Variants in C1orf141 observed in about 807,000 individuals in gnomAD.
C1orf141 encodes the protein chromosome 1 open reading frame 141, also known as uncharacterized protein C1orf141.
Under a neutral mutation model 23.2 loss-of-function variants are expected in C1orf141, and 19 were observed. The ratio of observed to expected loss-of-function variants is 0.82; its 90% CI spans 0.57 to 1.20. C1orf141 has a LOEUF of 1.20. Among genes scored for constraint, C1orf141 ranks in the 50% most tolerant of loss-of-function variants. C1orf141 has a pLI of 0.00. For synonymous variants in C1orf141, 153 were observed against 154.6 expected (o/e 0.99, Z 0.08); for missense variants, 469 against 455.1 (o/e 1.03, Z -0.28).
At chr1:67,125,641 G>A (rs924559555) in intron 4 of C1orf141, 111 bp downstream of exon 4, 2 of 1,043,654 alleles carry the variant, frequency 1.9e-6, no homozygotes, top group Non-Finnish European at 3.0e-6. Flanking sequence ...TGAGGCTGCA[G>A]TGAGCCATGT....
rs11801593 is a variant in C1orf141, at chr1:67,096,226, G to T, written c.416+26C>A. On this transcript the variant is annotated intron_variant, in intron 6 of 7. Coordinates refer to ENST00000684719, the MANE Select transcript of C1orf141 (RefSeq NM_001276351.2). ...TAGAAACATCATTAAACAGAACAAAGTATTAAGCATTTTAAAATAAATTAC... is the reference window on the plus strand; with the variant it reads ...TAGAAACATCATTAAACAGAACAAATTATTAAGCATTTTAAAATAAATTAC... 5 of 1,068,328 alleles carry T rather than the reference G, an allele frequency of 4.7e-6. No individual in the cohort carries two copies. In the Admixed American group the frequency reaches 1.1e-4, roughly 24 times the overall value. The allele number at this position is 1,068,328 out of a possible 1,614,324, so 66.2% of individuals were successfully genotyped here. A position where few individuals can be genotyped will look rare whatever the true frequency, so the allele number is the denominator to read the frequency against.
At chr1:67,116,793 C>T (rs61782291) in intron 4 of C1orf141, among the ~76,000 whole-genome samples, 2,817 of 152,252 alleles carry the variant, frequency 0.019, 36 homozygotes, top group Non-Finnish European at 0.029. Context: ...CTGTAGTATT[C>T]TCCCCACAAG....
At chr1:67,096,688 C>T (rs1225016345) in intron 5 of C1orf141, among the ~76,000 whole-genome samples, 6 of 152,210 alleles carry the variant, frequency 3.9e-5, no homozygotes, top group Non-Finnish European at 7.3e-5. Flanking sequence ...AGATATCAAA[C>T]AGATCTTGCC....
intron 5 of C1orf141, among the ~76,000 whole-genome samples, chr1:67,103,801 T>C (rs796147487): frequency 1.8e-4 from 28 of 152,182 alleles, no homozygotes; most frequent in African/African-American, 6.7e-4. Context: ...CAGTTCTGAG[T>C]AGAGAAGAAA....
chr1:67,110,194 T>C lies in C1orf141; in HGVS notation c.346+5158A>G, dbSNP rs1225311529. ...ATATATACTTGACCTAGGGAAGAAG[T>C]GTGGAAGATAGTTGGAAGACAGGAT... On this transcript the variant is annotated intron_variant, in intron 5 of 7. Coordinates refer to ENST00000684719, the MANE Select transcript of C1orf141 (RefSeq NM_001276351.2). Among the ~76,000 whole-genome samples the C allele has an allele frequency of 3.3e-5, 5 of 151,980 alleles. No homozygotes were observed. The East Asian group carries it at 9.6e-4, about 29-fold the overall frequency.
chr1:67,094,980 C>G (rs1426515200), intron 7 of C1orf141: 1 of 382,682 alleles, frequency 2.6e-6, no homozygotes, highest in Admixed American at 4.3e-5. Context: ...TTCTACAGTT[C>G]TATTATAATC....
chr1:67,120,369 A>C (rs1267646789), intron 4 of C1orf141, among the ~76,000 whole-genome samples: 1 of 152,176 alleles, frequency 6.6e-6, no homozygotes, highest in East Asian at 1.9e-4. Context: ...TTTAGAGTTG[A>C]TGCTGAACCA....
Position 67,093,387 on chromosome 1 carries a change from GT to G in C1orf141, c.820del (p.Thr274GlnfsTer20). 1 of 1,613,256 alleles carries G rather than the reference GT, an allele frequency of 6.2e-7. No individual in the cohort carries two copies. On this transcript the variant is annotated frameshift_variant, in exon 8 of 8. Transcript: ENST00000684719. LOFTEE classifies it low-confidence loss of function (END_TRUNC). Reference sequence around the variant, plus strand: ...GATCTGTATATCTTTTCTCTGTACTGTAGGCATAGTTTTTTGGGGTTTGAAA... The same window carrying G: ...GATCTGTATATCTTTTCTCTGTACTGAGGCATAGTTTTTTGGGGTTTGAAA... ...SLFKPQKTMP[T>X]VQRKDIQIPM...
At chr1:67,113,148 T>A (rs1318078813) in intron 5 of C1orf141, among the ~76,000 whole-genome samples, 2 of 150,444 alleles carry the variant, frequency 1.3e-5, no homozygotes, top group Admixed American at 6.6e-5. Flanking sequence ...CCCGGCTAAT[T>A]TTTGTATTTT....
chr1:67,108,017 A>G (rs1233159060), intron 5 of C1orf141, among the ~76,000 whole-genome samples: 1 of 152,202 alleles, frequency 6.6e-6, no homozygotes, highest in Admixed American at 6.6e-5. Flanking sequence ...CCATATACAC[A>G]GAACAGTTAG....
chr1:67,118,615 C>T (rs1558199443), intron 4 of C1orf141, among the ~76,000 whole-genome samples: 1 of 152,134 alleles, frequency 6.6e-6, no homozygotes, highest in South Asian at 2.1e-4. Flanking sequence ...GTTTGTATCC[C>T]CCTCAAATTC....
intron 3 of C1orf141, 21 bp from the exon 4 acceptor site, chr1:67,125,930 A>AG: frequency 5.0e-6 from 1 of 200,998 alleles, no homozygotes. Context: ...GCCAAAGTGA[A>AG]AAAAAAAAAA....
chr1:67,135,906 C>CAAAAAAAAAAAAAAAAAAAAAA (rs59519661), upstream of C1orf141, among the ~76,000 whole-genome samples: 10 of 62,590 alleles, frequency 1.6e-4, 1 homozygote, highest in African/African-American at 6.8e-4. Context: ...GGCAAAACTG[C>CAAAAAAAAAAAAAAAAAAAAAA]AAAAAAAAAA....
In C1orf141 at chr1:67,125,744, A is replaced by G. The variant is rs756631886; in HGVS notation, c.233+8T>C. On this transcript the variant is annotated splice_region_variant and intron_variant, in intron 4 of 7. Transcript: ENST00000684719. Reference sequence around the variant, plus strand: ...GAACTGAAAATTTAAGGTGGTTATGATAGTTACATTTTTGATTTTGTAATG... The same window carrying G: ...GAACTGAAAATTTAAGGTGGTTATGGTAGTTACATTTTTGATTTTGTAATG... 1.7e-5 allele frequency: 27 copies of G among 1,612,072 alleles called. No homozygotes were observed. The South Asian group carries it at 3.0e-4, about 18-fold the overall frequency.
intron 5 of C1orf141, among the ~76,000 whole-genome samples, chr1:67,111,878 G>T (rs193224190): frequency 2.0e-5 from 3 of 152,188 alleles, no homozygotes; most frequent in African/African-American, 7.2e-5. Context: ...ATATGATAAA[G>T]CTATATTGTC....
chr1:67,136,336 G>C (rs1170821741), upstream of C1orf141, among the ~76,000 whole-genome samples: 1 of 152,096 alleles, frequency 6.6e-6, no homozygotes, highest in Non-Finnish European at 1.5e-5. Context: ...TAGCCACTGC[G>C]ACTGGCCAAG....
intron 5 of C1orf141, chr1:67,103,288 T>C (rs1645846089): frequency 6.7e-7 from 1 of 1,487,368 alleles, no homozygotes; most frequent in Non-Finnish European, 9.1e-7. Flanking sequence ...AGACTGAATG[T>C]TGAACATAGG....
Position 67,092,481 on chromosome 1 carries a change from A to G in C1orf141, c.*524T>C, listed in dbSNP as rs1645576951. ...ATATAATAATGAAGTTCCAACAGCT[A>G]CTAATGACAATAAAATCTATTCAAA... On this transcript the variant is annotated 3_prime_UTR_variant, in exon 8 of 8. Coordinates refer to ENST00000684719, the MANE Select transcript of C1orf141 (RefSeq NM_001276351.2). The G allele has an allele frequency of 6.6e-6, 1 of 152,296 alleles. No individual in the cohort carries two copies. Among genetic ancestry groups the G allele is most frequent in the Non-Finnish European group, 1.5e-5 (1 of 68,046 alleles). The allele number at this position is 152,296 out of a possible 1,614,324, so 9.4% of individuals were successfully genotyped here.
intron 4 of C1orf141, among the ~76,000 whole-genome samples, chr1:67,120,690 G>C (rs1165140323): frequency 6.6e-6 from 1 of 152,266 alleles, no homozygotes; most frequent in African/African-American, 2.4e-5. Flanking sequence ...TGCAAAGCAG[G>C]AAGAGTGTCC....
Sources: allele counts gnomAD v4.1 joint callset (sites outside exome capture counted in the v4.1 genomes callset), GRCh38; gene constraint gnomAD v4.1.1; transcripts MANE v1.5; gene names NCBI Gene and HGNC (gene_info 2026-07-23, HGNC 2026-07-21).